The following ADAMTSL1 variants were observed in gnomAD, a reference collection of about 807,000 sequenced individuals.
ADAMTSL1 encodes the protein ADAMTS-like protein 1.
ADAMTSL1 carries 126 observed loss-of-function variants against 201.8 expected under a neutral mutation model. The observed-to-expected ratio is 0.62, with a 90% CI of 0.54 to 0.72. The LOEUF is 0.72. Among genes scored for constraint, ADAMTSL1 ranks in the 30% least tolerant of loss-of-function variants. The probability of loss-of-function intolerance (pLI) is 0.00; values close to 1 mark genes in which losing one functional copy is unlikely to be tolerated. For missense variants in ADAMTSL1, 2,679 were observed against 2,277.8 expected (o/e 1.18, Z -3.59); for synonymous variants, 1,121 against 903.4 (o/e 1.24, Z -4.32).
chr9:18,230,499 T>A (rs1429834138), intron 2 of ADAMTSL1, among the ~76,000 whole-genome samples: 1 of 152,048 alleles, frequency 6.6e-6, no homozygotes, highest in Admixed American at 6.6e-5. Flanking sequence ...GAATGTAGAA[T>A]CTAAAGGGGA....
In ADAMTSL1 at chr9:18,296,884, T is replaced by C. The variant is rs930965516; in HGVS notation, c.207+132903T>C. On this transcript the variant is annotated intron_variant, in intron 2 of 29. Coordinates refer to the ADAMTSL1 transcript ENST00000680146. ...TAAGGCTAAAAATGCAGCATTGCTT[T>C]GGAGGAGGACTTTGTATCTCAGAGG... Among the ~76,000 whole-genome samples, 4 of 152,198 alleles carry C rather than the reference T, an allele frequency of 2.6e-5. No individual in the cohort carries two copies. In the South Asian group the frequency reaches 6.2e-4, roughly 24 times the overall value.
At chr9:18,373,920 C>G (rs1837167984) in intron 2 of ADAMTSL1, among the ~76,000 whole-genome samples, 1 of 152,180 alleles carries the variant, frequency 6.6e-6, no homozygotes, top group African/African-American at 2.4e-5. Context: ...CCCATAATCT[C>G]CAAGTCCTGA....
intron 1 of ADAMTSL1, among the ~76,000 whole-genome samples, chr9:18,037,988 G>T (rs2131625662): frequency 6.6e-6 from 1 of 152,262 alleles, no homozygotes; most frequent in East Asian, 1.9e-4. Context: ...GTATTTTAGG[G>T]TGATGCAATT....
At chr9:18,851,900 C>T (rs1448919037) in intron 23 of ADAMTSL1, among the ~76,000 whole-genome samples, 1 of 152,194 alleles carries the variant, frequency 6.6e-6, no homozygotes, top group Non-Finnish European at 1.5e-5. Flanking sequence ...GAGATTTTAT[C>T]AGGAAGCTGC....
intron 2 of ADAMTSL1, among the ~76,000 whole-genome samples, chr9:18,351,264 A>G (rs73643247): frequency 2.0e-4 from 30 of 149,350 alleles, no homozygotes; most frequent in Non-Finnish European, 8.9e-5. Flanking sequence ...AAAAAAAAAA[A>G]GAAAAAAAAA....
intron 23 of ADAMTSL1, among the ~76,000 whole-genome samples, chr9:18,850,951 T>C (rs1826455701): frequency 6.6e-6 from 1 of 152,248 alleles, no homozygotes; most frequent in Non-Finnish European, 1.5e-5. Context: ...ATATGCAATG[T>C]GCCCAGTTTA....
chr9:18,085,769 G>GTA (rs760212452), intron 1 of ADAMTSL1, among the ~76,000 whole-genome samples: 48 of 149,760 alleles, frequency 3.2e-4, no homozygotes, highest in East Asian at 2.2e-3. Context: ...ATGTGTGTGT[G>GTA]TATATATATA....
At chr9:18,785,756 G>A (rs1357957407) in intron 19 of ADAMTSL1, among the ~76,000 whole-genome samples, 1 of 152,156 alleles carries the variant, frequency 6.6e-6, no homozygotes, top group African/African-American at 2.4e-5. Context: ...ACGTAATATG[G>A]ACAAATATAT....
At chr9:18,424,195 T>A (rs1163755753) in intron 2 of ADAMTSL1, among the ~76,000 whole-genome samples, 3 of 152,234 alleles carry the variant, frequency 2.0e-5, no homozygotes, top group Non-Finnish European at 4.4e-5. Flanking sequence ...GAACTATTAG[T>A]GTTTCTTCCA....
intron 1 of ADAMTSL1, among the ~76,000 whole-genome samples, chr9:18,057,941 C>G (rs1029611351): frequency 6.6e-6 from 1 of 152,204 alleles, no homozygotes; most frequent in Non-Finnish European, 1.5e-5. Context: ...CTTATCTCAA[C>G]TGTGAATGTG....
intron 2 of ADAMTSL1, among the ~76,000 whole-genome samples, chr9:18,389,790 G>A (rs1401178597): frequency 6.6e-6 from 1 of 152,100 alleles, no homozygotes; most frequent in Non-Finnish European, 1.5e-5. Flanking sequence ...ATCCCATAAA[G>A]AGAAAAACAA....
At chr9:18,459,075 G>A (rs1043960402) in intron 2 of ADAMTSL1, among the ~76,000 whole-genome samples, 1 of 152,102 alleles carries the variant, frequency 6.6e-6, no homozygotes. Context: ...GCCTTTTAAG[G>A]TTGCCATAAT....
chr9:18,626,896 T>C (rs952905550), intron 5 of ADAMTSL1, among the ~76,000 whole-genome samples: 6 of 151,002 alleles, frequency 4.0e-5, no homozygotes, highest in African/African-American at 1.5e-4. Context: ...CCTTCCTTCC[T>C]TCCTTTCTTT....
At chr9:18,092,079 G>T (rs1301667931) in intron 1 of ADAMTSL1, among the ~76,000 whole-genome samples, 2 of 152,120 alleles carry the variant, frequency 1.3e-5, no homozygotes, top group African/African-American at 4.8e-5. Context: ...TCCCCAAGCA[G>T]CTTGGGATTA....
chr9:18,533,384 A>G (rs2132107698), intron 3 of ADAMTSL1, 92 bp downstream of exon 3: 1 of 1,049,050 alleles, frequency 9.5e-7, no homozygotes, highest in East Asian at 2.5e-5. Context: ...AAATCAACCA[A>G]CTAGTATTTC....
chr9:18,444,186 TA>T (rs1820102406), intron 2 of ADAMTSL1, among the ~76,000 whole-genome samples: 1 of 152,220 alleles, frequency 6.6e-6, no homozygotes, highest in Non-Finnish European at 1.5e-5. Flanking sequence ...TTAGAATCTT[TA>T]TTTTTTTAGT....
chr9:18,149,488 G>C (rs560762243), intron 1 of ADAMTSL1, among the ~76,000 whole-genome samples: 7 of 152,184 alleles, frequency 4.6e-5, no homozygotes, highest in African/African-American at 1.7e-4. Context: ...GTACAATTTA[G>C]TACCACTTGC....
chr9:17,915,693 C>T (rs1418531537), intron 1 of ADAMTSL1, among the ~76,000 whole-genome samples: 1 of 152,336 alleles, frequency 6.6e-6, no homozygotes, highest in South Asian at 2.1e-4. Flanking sequence ...TCCAGTTCCT[C>T]TGCATCCTTG....
At chr9:18,187,558 T>G (rs1828793534) in intron 2 of ADAMTSL1, among the ~76,000 whole-genome samples, 1 of 152,130 alleles carries the variant, frequency 6.6e-6, no homozygotes, top group Non-Finnish European at 1.5e-5. Flanking sequence ...AATATGTGTA[T>G]ACATTTATAT....
Sources: gnomAD v4.1 joint callset for allele counts (sites outside exome capture counted in the v4.1 genomes callset) on GRCh38, gnomAD v4.1.1 for gene constraint, MANE v1.5 for transcripts, NCBI Gene and HGNC (gene_info 2026-07-23, HGNC 2026-07-21) for gene names.